The following PAPPA2 variants were observed in gnomAD, a reference collection of about 807,000 sequenced individuals.
PAPPA2 encodes the protein pappalysin 2.
PAPPA2 carries 86 observed loss-of-function variants against 176.4 expected under a neutral mutation model. The ratio of observed to expected loss-of-function variants is 0.49; its 90% CI spans 0.41 to 0.58. The LOEUF is 0.58. Among genes scored for constraint, PAPPA2 ranks in the 20% least tolerant of loss-of-function variants. The probability of loss-of-function intolerance (pLI) is 0.00; values close to 1 mark genes in which losing one functional copy is unlikely to be tolerated. For missense variants in PAPPA2, 2,073 were observed against 2,256.9 expected (o/e 0.92, Z 1.65); for synonymous variants, 809 against 852.2 (o/e 0.95, Z 0.88).
chr1:176,658,511 C>A (rs1658147310), intron 3 of PAPPA2, among the ~76,000 whole-genome samples: 1 of 151,930 alleles, frequency 6.6e-6, no homozygotes, highest in South Asian at 2.1e-4. Flanking sequence ...TTAGATTAGA[C>A]TTAATGACAT....
At chr1:176,531,964 A>T (rs1649833824) in intron 1 of PAPPA2, among the ~76,000 whole-genome samples, 1 of 152,136 alleles carries the variant, frequency 6.6e-6, no homozygotes, top group Admixed American at 6.6e-5. Flanking sequence ...CTCCTGTGTA[A>T]GGGCTGCCTG....
chr1:176,679,848 G>A (rs1304608190), intron 4 of PAPPA2, among the ~76,000 whole-genome samples: 5 of 152,218 alleles, frequency 3.3e-5, no homozygotes, highest in Non-Finnish European at 7.3e-5. Flanking sequence ...GAGTGGTTGA[G>A]TTGCATAAAT....
intron 3 of PAPPA2, among the ~76,000 whole-genome samples, chr1:176,648,512 A>G (rs1414858693): frequency 6.6e-6 from 1 of 151,530 alleles, no homozygotes; most frequent in Non-Finnish European, 1.5e-5. Context: ...TTCTTCTTCT[A>G]GATCTTAAAG....
intron 1 of PAPPA2, among the ~76,000 whole-genome samples, chr1:176,546,160 G>T (rs1476643632): frequency 6.6e-6 from 1 of 152,122 alleles, no homozygotes; most frequent in Non-Finnish European, 1.5e-5. Flanking sequence ...GCTCTCCTTT[G>T]TCTAGGGCTG....
At chr1:176,796,523 G>A (rs1173298657) in intron 20 of PAPPA2, among the ~76,000 whole-genome samples, 3 of 152,150 alleles carry the variant, frequency 2.0e-5, no homozygotes, top group Admixed American at 1.3e-4. Flanking sequence ...CCTTTAACAA[G>A]ACATTTAACC....
At position 176,779,476 on chromosome 1, in the gene PAPPA2, T is replaced by TCACACACACA. The variant is rs376976102; in HGVS notation, c.4715+8331_4715+8340dup. On this transcript the variant is annotated intron_variant, in intron 17 of 22. Coordinates refer to ENST00000367662, the MANE Select transcript of PAPPA2 (RefSeq NM_020318.3). Reference sequence around the variant, plus strand: ...GCAGAATGTTAACATTCCATACTCATCACACACACACACACACACACACAC... The same window carrying TCACACACACA: ...GCAGAATGTTAACATTCCATACTCATCACACACACACACACACACACACACACACACACAC... Among the ~76,000 whole-genome samples the TCACACACACA allele has an allele frequency of 3.8e-3, 487 of 126,952 alleles. 5 individuals carry two copies. Among genetic ancestry groups the TCACACACACA allele is most frequent in the African/African-American group, 8.6e-3 (268 of 31,042 alleles). 83.3% of individuals were successfully genotyped at this position (126,952 alleles called of 152,430 possible). A position where few individuals can be genotyped will look rare whatever the true frequency, so the allele number is the denominator to read the frequency against.
At chr1:176,783,249 T>C (rs1664796642) in intron 17 of PAPPA2, among the ~76,000 whole-genome samples, 1 of 152,230 alleles carries the variant, frequency 6.6e-6, no homozygotes, top group African/African-American at 2.4e-5. Context: ...GTTTTTCTGT[T>C]GTTGTTATTA....
intron 3 of PAPPA2, chr1:176,616,653 A>G (rs982700764): frequency 7.0e-6 from 11 of 1,568,688 alleles, no homozygotes; most frequent in Non-Finnish European, 9.6e-6. Flanking sequence ...ACATACTCTT[A>G]CTATTGTGGT....
intron 4 of PAPPA2, among the ~76,000 whole-genome samples, chr1:176,679,942 G>T (rs10494500): frequency 0.25 from 38,382 of 152,030 alleles, 4,999 homozygotes; most frequent in South Asian, 0.34. Context: ...GTTCAATAGG[G>T]ACTCCATAGA....
Position 176,556,210 on chromosome 1 carries a change from G to T in PAPPA2, c.-113G>T, listed in dbSNP as rs7518911. ...AAAAGTTTGGTCTGTGAACAAAACA[G>T]TTTCCCTGGTGACTGCAAATCCATT... On this transcript the variant is annotated 5_prime_UTR_variant, in exon 2 of 23. Transcript: ENST00000367662. 641 of 1,275,570 alleles carry T rather than the reference G, an allele frequency of 5.0e-4. 6 individuals are homozygous for T. In the African/African-American group the frequency reaches 8.9e-3, roughly 18 times the overall value. 79.0% of individuals were successfully genotyped at this position (1,275,570 alleles called of 1,614,324 possible).
At chr1:176,529,081 C>T (rs1649649470) in intron 1 of PAPPA2, among the ~76,000 whole-genome samples, 2 of 152,082 alleles carry the variant, frequency 1.3e-5, no homozygotes, top group Non-Finnish European at 2.9e-5. Flanking sequence ...GCAATCTGCA[C>T]AGAATAGACA....
At chr1:176,665,668 G>A (rs942625474) in intron 3 of PAPPA2, among the ~76,000 whole-genome samples, 2 of 152,190 alleles carry the variant, frequency 1.3e-5, no homozygotes, top group African/African-American at 4.8e-5. Flanking sequence ...AAATGCCAAT[G>A]TGTTCCTTCT....
At chr1:176,614,181 G>A (rs1655083813) in intron 3 of PAPPA2, among the ~76,000 whole-genome samples, 1 of 152,156 alleles carries the variant, frequency 6.6e-6, no homozygotes, top group Non-Finnish European at 1.5e-5. Context: ...GGATAGTGAA[G>A]GGAAAGAGGG....
chr1:176,753,782 G>T (rs1663290337), intron 14 of PAPPA2, among the ~76,000 whole-genome samples: 1 of 151,934 alleles, frequency 6.6e-6, no homozygotes, highest in Non-Finnish European at 1.5e-5. Flanking sequence ...AATTAACATT[G>T]AGTCTCTTAT....
In PAPPA2 at chr1:176,702,653, G is replaced by A. The variant is rs759589787; in HGVS notation, c.3283G>A (p.Ala1095Thr). 2.5e-6 allele frequency: 4 copies of A among 1,614,092 alleles called. No individual in the cohort carries two copies. The highest frequency in any genetic ancestry group is 3.4e-6 in the Non-Finnish European group (4 of 1,180,014). Residue 1095 changes from alanine to threonine, a missense_variant, in exon 9 of 23, where the codon GCT becomes ACT. By Grantham distance (58) the Ala-to-Thr change is moderately conservative. This residue lies in a region of PAPPA2 where 846 missense variants were observed against 857.9 expected (regional missense o/e 0.99). Transcript: ENST00000367662. ...GTATCAGTACCAAGTTCTAGCTGAA[G>A]CTGGAGGAGAACTGGGAGAAGCTTC... ...QMYQYQVLAE[A>T]GGELGEASPP...
chr1:176,766,476 T>A (rs1663969782), intron 15 of PAPPA2, among the ~76,000 whole-genome samples: 1 of 152,186 alleles, frequency 6.6e-6, no homozygotes, highest in African/African-American at 2.4e-5. Context: ...ATATAAGATG[T>A]GTAACTTTGG....
At chr1:176,794,679 A>G (rs538650118) in intron 20 of PAPPA2, among the ~76,000 whole-genome samples, 7 of 152,214 alleles carry the variant, frequency 4.6e-5, no homozygotes, top group African/African-American at 1.7e-4. Flanking sequence ...AACAGAAGCA[A>G]TTTCTAAGAG....
chr1:176,830,188 G>C (rs1057415911), intron 21 of PAPPA2, among the ~76,000 whole-genome samples: 1 of 152,132 alleles, frequency 6.6e-6, no homozygotes, highest in African/African-American at 2.4e-5. Context: ...GGACAACATA[G>C]CCAGACCCCA....
chr1:176,835,055 A>G (rs1557901609), intron 21 of PAPPA2, among the ~76,000 whole-genome samples: 2 of 152,184 alleles, frequency 1.3e-5, no homozygotes, highest in African/African-American at 4.8e-5. Context: ...TTAGATTGCT[A>G]GGTTTACTTA....
Sources: allele counts gnomAD v4.1 joint callset (sites outside exome capture counted in the v4.1 genomes callset), GRCh38; gene constraint gnomAD v4.1.1; regional missense constraint gnomAD v4.1.1; transcripts MANE v1.5; gene names NCBI Gene and HGNC (gene_info 2026-07-23, HGNC 2026-07-21).